Variants in SYCP2L observed in about 807,000 individuals in gnomAD.
SYCP2L encodes the protein synaptonemal complex protein 2-like.
In SYCP2L, 98 loss-of-function variants were observed where a neutral mutation model predicts 125.8. The observed-to-expected ratio is 0.78, with a 90% CI of 0.66 to 0.92. The LOEUF (loss-of-function observed/expected upper bound fraction) is 0.92. SYCP2L is among the 40% of genes least tolerant of loss of function. The probability of loss-of-function intolerance (pLI) is 0.00; values close to 1 mark genes in which losing one functional copy is unlikely to be tolerated. For missense variants in SYCP2L, 842 were observed against 936.4 expected (o/e 0.90, Z 1.32); for synonymous variants, 317 against 325.4 (o/e 0.97, Z 0.28).
At chr6:10,957,636 G>T (rs1781522855) in intron 25 of SYCP2L, among the ~76,000 whole-genome samples, 1 of 152,090 alleles carries the variant, frequency 6.6e-6, no homozygotes, top group Non-Finnish European at 1.5e-5. Context: ...AACATAGTGA[G>T]ACCCTGTCTC....
chr6:10,942,790 G>A, intron 23 of SYCP2L, 44 bp downstream of exon 23: 9 of 1,525,962 alleles, frequency 5.9e-6, no homozygotes, highest in Non-Finnish European at 7.1e-6. Context: ...AGAATAAAAT[G>A]AAATTAATCT....
At chr6:10,895,951 A>G (rs1780251748) in intron 4 of SYCP2L, among the ~76,000 whole-genome samples, 1 of 152,234 alleles carries the variant, frequency 6.6e-6, no homozygotes, top group South Asian at 2.1e-4. Flanking sequence ...TCAGGGGTTC[A>G]AGACCAGCCT....
intron 15 of SYCP2L, among the ~76,000 whole-genome samples, chr6:10,925,016 C>T (rs571611161): frequency 9.9e-5 from 15 of 152,196 alleles, no homozygotes; most frequent in African/African-American, 1.9e-4. Flanking sequence ...TCTGTTCTCA[C>T]GCTGCTAATA....
At chr6:10,961,777 CTG>C (rs1326506967) in intron 28 of SYCP2L, among the ~76,000 whole-genome samples, 1 of 152,056 alleles carries the variant, frequency 6.6e-6, no homozygotes, top group African/African-American at 2.4e-5. Flanking sequence ...GTCCAATTTT[CTG>C]TGTTTTTTTA....
At chr6:10,913,035 G>A in intron 14 of SYCP2L, 108 bp downstream of exon 14, 2 of 1,045,068 alleles carry the variant, frequency 1.9e-6, no homozygotes, top group Non-Finnish European at 2.8e-6. Context: ...CATGCCTTGA[G>A]GTAGGAAGGC....
rs1780625680 is a variant in SYCP2L, at chr6:10,912,320, A to G, written c.919-353A>G. ...TTGGTTACAGTATCTCCTTCTCCAGAAGTTTCCATCCATATGCAGTGTGGC... is the reference window on the plus strand; with the variant it reads ...TTGGTTACAGTATCTCCTTCTCCAGGAGTTTCCATCCATATGCAGTGTGGC... On this transcript the variant is annotated intron_variant, in intron 12 of 29. Coordinates refer to ENST00000283141, the MANE Select transcript of SYCP2L (RefSeq NM_001040274.3). This position sits in a 1 kb window ranked among gnomAD's most constrained non-coding sequence, Gnocchi z 4.1. 6.6e-6 allele frequency among the ~76,000 whole-genome samples: 1 copy of G among 152,190 alleles called. No homozygotes were observed. Among genetic ancestry groups the G allele is most frequent in the Non-Finnish European group, 1.5e-5 (1 of 68,042 alleles).
intron 14 of SYCP2L, among the ~76,000 whole-genome samples, chr6:10,920,784 A>G (rs530409734): frequency 6.6e-6 from 1 of 151,092 alleles, no homozygotes; most frequent in East Asian, 1.9e-4. Context: ...TCTGCAGGAC[A>G]GAGAGTGCCT....
At chr6:10,904,178 T>C (rs1780442110) in intron 8 of SYCP2L, among the ~76,000 whole-genome samples, 1 of 152,242 alleles carries the variant, frequency 6.6e-6, no homozygotes, top group Non-Finnish European at 1.5e-5. Context: ...CATGGAATTT[T>C]GATTGCTTTT....
intron 17 of SYCP2L, among the ~76,000 whole-genome samples, chr6:10,927,923 A>C (rs1418947393): frequency 6.6e-6 from 1 of 152,180 alleles, no homozygotes; most frequent in Non-Finnish European, 1.5e-5. Context: ...TTGCTGAGAA[A>C]AAGAATTCAG....
chr6:10,909,493 G>A (rs774860676), intron 10 of SYCP2L, among the ~76,000 whole-genome samples: 102 of 152,312 alleles, frequency 6.7e-4, no homozygotes, highest in Non-Finnish European at 1.2e-3. Flanking sequence ...TGGTAGATCA[G>A]GAGCATAAGG....
intron 1 of SYCP2L, 51 bp downstream of exon 1, chr6:10,887,186 G>A (rs1457782052): frequency 1.2e-6 from 2 of 1,610,584 alleles, no homozygotes; most frequent in Middle Eastern, 3.3e-4. Context: ...GCTAGGGCGC[G>A]CGAGGGCGCG....
At chr6:10,888,163 C>A (rs1780112794) in intron 1 of SYCP2L, among the ~76,000 whole-genome samples, 1 of 133,984 alleles carries the variant, frequency 7.5e-6, no homozygotes, top group African/African-American at 2.8e-5. Context: ...GTGGCGTGAT[C>A]TTGGCTCACT....
Position 10,961,500 on chromosome 6 carries a change from G to A in SYCP2L, c.2356G>A (p.Glu786Lys), listed in dbSNP as rs1356482526. 3 of 1,614,104 alleles carry A rather than the reference G, an allele frequency of 1.9e-6. No homozygotes were observed. The highest frequency in any genetic ancestry group is 2.5e-6 in the Non-Finnish European group (3 of 1,179,992). ...ALEHLEKEVL[E>K]FWGKQSADLQ... The stretch of plus-strand genomic sequence containing the variant: ...AAACAAAACTTTTGTTCAATCTTAG[G>A]AATTCTGGGGGAAACAGTCTGCTGA... Residue 786 changes from glutamate (E) to lysine (K), a missense_variant and splice_region_variant, in exon 28 of 30, where the codon GAA (glutamate) becomes AAA (lysine). Transcript: ENST00000283141.
chr6:10,895,285 C>T (rs753779441), intron 4 of SYCP2L, among the ~76,000 whole-genome samples: 6 of 152,134 alleles, frequency 3.9e-5, no homozygotes, highest in Non-Finnish European at 8.8e-5. Flanking sequence ...ACTTCTTCTG[C>T]GCAGAGGGGT....
chr6:10,958,457 G>A (rs749138312), intron 25 of SYCP2L, among the ~76,000 whole-genome samples: 65 of 152,226 alleles, frequency 4.3e-4, no homozygotes, highest in Non-Finnish European at 7.9e-4. Context: ...TGAGGAATCC[G>A]CCCCCGTGAC....
chr6:10,919,639 A>T (rs142776407), intron 14 of SYCP2L, among the ~76,000 whole-genome samples: 11 of 152,124 alleles, frequency 7.2e-5, no homozygotes, highest in African/African-American at 2.7e-4. Context: ...TAGAACTCCC[A>T]AGAGTATATT....
At chr6:10,898,213 T>C in intron 5 of SYCP2L, 98 bp downstream of exon 5, 2 of 959,144 alleles carry the variant, frequency 2.1e-6, no homozygotes, top group Non-Finnish European at 3.2e-6. Flanking sequence ...AATATGTAAG[T>C]TTTGTTAAAA....
At position 10,954,240 on chromosome 6, in the gene SYCP2L, A is replaced by G. The variant is rs1767762; in HGVS notation, c.1955-876A>G. On this transcript the variant is annotated intron_variant, in intron 23 of 29. Transcript: ENST00000283141. The surrounding 1 kb of genome is among the most constrained non-coding windows in gnomAD (Gnocchi z 4.8). Reference sequence around the variant, plus strand: ...CAGTGCGGGGGAGAGAGTGGTTTTAAGTGGGAGGGATAGACTCGAGTGGGG... The same window carrying G: ...CAGTGCGGGGGAGAGAGTGGTTTTAGGTGGGAGGGATAGACTCGAGTGGGG... Among the ~76,000 whole-genome samples the G allele has an allele frequency of 0.9, 137,582 of 152,170 alleles. 63,123 individuals are homozygous for G. The highest frequency in any genetic ancestry group is 0.99 in the Non-Finnish European group (67,573 of 68,030).
intron 4 of SYCP2L, among the ~76,000 whole-genome samples, chr6:10,896,773 G>A (rs901733136): frequency 6.6e-6 from 1 of 152,172 alleles, no homozygotes; most frequent in Non-Finnish European, 1.5e-5. Flanking sequence ...ACTCAGGTGG[G>A]GGTGTATCAC....
Sources: allele counts gnomAD v4.1 joint callset (sites outside exome capture counted in the v4.1 genomes callset), GRCh38; gene constraint gnomAD v4.1.1; non-coding constraint Gnocchi (gnomAD v3.1); transcripts MANE v1.5; gene names NCBI Gene and HGNC (gene_info 2026-07-23, HGNC 2026-07-21).